Variants in KCTD13 observed in about 807,000 individuals in gnomAD.
The protein encoded by KCTD13 is potassium channel tetramerization domain containing 13.
In KCTD13, 15 loss-of-function variants were observed where a neutral mutation model predicts 32.3. The ratio of observed to expected loss-of-function variants is 0.46; its 90% confidence interval spans 0.31 to 0.71. KCTD13 has a LOEUF of 0.71. Among genes scored for constraint, KCTD13 ranks in the 30% least tolerant of loss-of-function variants. KCTD13 has a pLI of 0.05. For synonymous variants in KCTD13, 189 were observed against 200.1 expected (o/e 0.94, Z 0.47); for missense variants, 337 against 452.6 (o/e 0.74, Z 2.32).
intron 1 of KCTD13, chr16:29,925,583 TG>T (rs2068980292): frequency 1.7e-6 from 1 of 589,684 alleles, no homozygotes; most frequent in Non-Finnish European, 3.0e-6. Flanking sequence ...TGGTTATTGC[TG>T]GGGGTAAAGG....
intron 2 of KCTD13, chr16:29,914,164 C>T (rs2068767174): frequency 6.6e-6 from 1 of 152,050 alleles, no homozygotes; most frequent in African/African-American, 2.4e-5. Context: ...GTCTGTTGGT[C>T]CTATCCAGTG....
At position 29,907,079 on chromosome 16, in the gene KCTD13, C is replaced by T. The variant is rs376739391; in HGVS notation, c.783G>A (p.Glu261=). ...CGTAGATGAGGATGTTCAGGGTCTC[C>T]TCGAAGATCCGGGCCTCTGGAAATT... is the stretch of plus-strand genomic sequence containing the variant. The part of the protein sequence containing the change: ...KVEFPEARIF[E]ETLNILIYET... Residue 261 remains glutamate, a synonymous_variant, in exon 6 of 6, where the codon GAG becomes GAA. Coordinates refer to ENST00000568000, the MANE Select transcript of KCTD13 (RefSeq NM_178863.5). 1.1e-4 allele frequency: 172 copies of T among 1,610,690 alleles called. No homozygotes were observed. Among genetic ancestry groups the T allele is most frequent in the Non-Finnish European group, 1.4e-4 (165 of 1,177,390 alleles).
intron 2 of KCTD13, among the ~76,000 whole-genome samples, chr16:29,916,875 T>A (rs867266238): frequency 1.9e-4 from 29 of 152,192 alleles, no homozygotes; most frequent in African/African-American, 6.3e-4. Context: ...GCTCTGGTTC[T>A]GAGACAGGTC....
intron 4 of KCTD13, 110 bp downstream of exon 4, chr16:29,911,705 C>T (rs1192480068): frequency 2.8e-5 from 33 of 1,179,502 alleles, no homozygotes; most frequent in Admixed American, 2.0e-4. Context: ...TGCGAGCAGG[C>T]ACAGATGTTC....
chr16:29,912,770 G>A (rs945111690), intron 2 of KCTD13, among the ~76,000 whole-genome samples: 1 of 152,224 alleles, frequency 6.6e-6, no homozygotes, highest in African/African-American at 2.4e-5. Flanking sequence ...AGCAGTTAGT[G>A]TCTGACTTTT....
intron 2 of KCTD13, among the ~76,000 whole-genome samples, chr16:29,916,505 C>A (rs2068811943): frequency 6.6e-6 from 1 of 152,180 alleles, no homozygotes; most frequent in Non-Finnish European, 1.5e-5. Context: ...TTATGGCAGA[C>A]CCCCATTCCA....
intron 2 of KCTD13, chr16:29,914,444 T>A (rs1014615455): frequency 6.6e-6 from 1 of 151,464 alleles, no homozygotes; most frequent in African/African-American, 2.4e-5. Context: ...TCTTTTTTTT[T>A]TTTTTTTTTG....
chr16:29,917,862 T>G (rs1017344577), intron 2 of KCTD13, among the ~76,000 whole-genome samples: 1 of 151,992 alleles, frequency 6.6e-6, no homozygotes, highest in African/African-American at 2.4e-5. Flanking sequence ...ACATGAAAAT[T>G]GTTTGAACCT....
Position 29,918,726 on chromosome 16 carries a change from G to A in KCTD13, c.414+4464C>T, listed in dbSNP as rs536092855. ...GGCTGGAGTGCAGTGGCACGATCTC[G>A]GCTCACTGCAACCTCTGCCTCCCCA... is the stretch of plus-strand genomic sequence containing the variant. On this transcript the variant is annotated intron_variant, in intron 2 of 5. Coordinates refer to ENST00000568000, the MANE Select transcript of KCTD13 (RefSeq NM_178863.5). Among the ~76,000 whole-genome samples the A allele has an allele frequency of 3.3e-5, 5 of 152,078 alleles. No individual in the cohort carries two copies. In the South Asian group the frequency reaches 1.0e-3, roughly 32 times the overall value.
rs145620145 is a variant in KCTD13 at position 29,923,196 on chromosome 16, C to A, written c.408G>T (p.Ala136=). 3.1e-6 allele frequency: 5 copies of A among 1,614,102 alleles called. No individual in the cohort carries two copies. The highest frequency in any genetic ancestry group is 1.1e-5 in the South Asian group (1 of 91,082). ...VQGLIEDCQL[A]LQQKRETLSP... is the part of the protein sequence containing the mutation. ...GGACTCCGAAGGCCCTCACCTGCAG[C>A]GCCAGCTGGCAGTCCTCAATCAGGC... The change falls in exon 2 of 6, where the codon GCG becomes GCT. Residue 136 remains alanine (A), a synonymous_variant. Transcript: ENST00000568000.
At chr16:29,910,838 C>T (rs1033436989) in intron 5 of KCTD13, 140 bp downstream of exon 5, 1 of 690,556 alleles carries the variant, frequency 1.4e-6, no homozygotes, top group Non-Finnish European at 2.4e-6. Context: ...GGTGGCTTGC[C>T]CACTGTTGTG....
At chr16:29,912,233 G>A (rs765666130) in intron 2 of KCTD13, 184 bp from the exon 3 acceptor site, 34 of 625,936 alleles carry the variant, frequency 5.4e-5, no homozygotes, top group Non-Finnish European at 7.6e-5. Flanking sequence ...TTGGTCCCAC[G>A]GACACCTTGC....
At chr16:29,915,596 G>A (rs1374623730) in intron 2 of KCTD13, among the ~76,000 whole-genome samples, 2 of 148,824 alleles carry the variant, frequency 1.3e-5, no homozygotes, top group East Asian at 3.9e-4. Context: ...AGGTTGCAGT[G>A]AGCTATCTCA....
At chr16:29,922,183 A>G (rs1190225502) in intron 2 of KCTD13, 1 of 152,064 alleles carries the variant, frequency 6.6e-6, no homozygotes, top group African/African-American at 2.4e-5. Flanking sequence ...ACTAAAATGC[A>G]TTTTTTCCCT....
At chr16:29,912,441 G>GTT (rs2068730919) in intron 2 of KCTD13, 2 of 257,960 alleles carry the variant, frequency 7.8e-6, no homozygotes, top group Non-Finnish European at 1.5e-5. Flanking sequence ...TGTGTTATCA[G>GTT]TTTTCTTTTT....
intron 5 of KCTD13, among the ~76,000 whole-genome samples, chr16:29,907,475 C>T (rs1242730165): frequency 1.3e-5 from 2 of 152,114 alleles, no homozygotes; most frequent in Admixed American, 6.6e-5. Context: ...AGTGGGAGGA[C>T]TCAGTCATAC....
At chr16:29,907,990 AAAG>A (rs1405825812) in intron 5 of KCTD13, among the ~76,000 whole-genome samples, 1 of 151,834 alleles carries the variant, frequency 6.6e-6, no homozygotes, top group African/African-American at 2.4e-5. Flanking sequence ...AAAAAAAAAA[AAAG>A]AGAGAGAGAG....
chr16:29,907,788 A>G (rs1012520364), intron 5 of KCTD13, among the ~76,000 whole-genome samples: 2 of 151,750 alleles, frequency 1.3e-5, no homozygotes, highest in African/African-American at 4.8e-5. Context: ...CCCATCTCAA[A>G]ATAAATAAAT....
intron 1 of KCTD13, 24 bp downstream of exon 1, chr16:29,925,766 G>T: frequency 6.2e-7 from 1 of 1,608,644 alleles, no homozygotes. Context: ...TGGGGTGGGG[G>T]CACGGTAGGG....
Sources: allele counts gnomAD v4.1 joint callset (sites outside exome capture counted in the v4.1 genomes callset), GRCh38; gene constraint gnomAD v4.1.1; transcripts MANE v1.5; gene names NCBI Gene and HGNC (gene_info 2026-07-23, HGNC 2026-07-21).